The following MSRA variants were observed in gnomAD, a reference collection of about 807,000 sequenced individuals.
MSRA encodes the protein methionine sulfoxide reductase A, also known as mitochondrial peptide methionine sulfoxide reductase.
Under a neutral mutation model 31.3 loss-of-function variants are expected in MSRA, and 54 were observed. The ratio of observed to expected loss-of-function variants is 1.73; its 90% CI spans 1.39 to 2.17. The LOEUF (loss-of-function observed/expected upper bound fraction) is 2.17. Among genes scored for constraint, MSRA ranks in the 30% most tolerant of loss-of-function variants. The probability of loss-of-function intolerance (pLI) is 0.00; values close to 1 mark genes in which losing one functional copy is unlikely to be tolerated. For missense variants in MSRA, 507 were observed against 300.9 expected (o/e 1.69, Z -5.07); for synonymous variants, 169 against 116.5 (o/e 1.45, Z -2.90).
At chr8:10,417,465 G>A (rs553932637) in intron 5 of MSRA, among the ~76,000 whole-genome samples, 17 of 130,786 alleles carry the variant, frequency 1.3e-4, no homozygotes, top group Admixed American at 2.3e-4. Flanking sequence ...CTCCATGTAG[G>A]CTTAGTAAGC....
At chr8:10,255,986 C>G (rs956285885) in intron 3 of MSRA, among the ~76,000 whole-genome samples, 3 of 152,152 alleles carry the variant, frequency 2.0e-5, no homozygotes, top group African/African-American at 4.8e-5. Context: ...AGGAACCACA[C>G]TGACACGTCC....
At chr8:10,161,475 A>T (rs1804640551) in intron 1 of MSRA, among the ~76,000 whole-genome samples, 1 of 152,210 alleles carries the variant, frequency 6.6e-6, no homozygotes, top group Non-Finnish European at 1.5e-5. Context: ...GGCAGGTTTT[A>T]TGCAGCTTGA....
chr8:10,158,233 T>C lies in MSRA; in HGVS notation c.143-49600T>C, dbSNP rs75120044. Among the ~76,000 whole-genome samples the C allele has an allele frequency of 2.6e-3, 394 of 152,332 alleles. 1 individual carries two copies. Among genetic ancestry groups the C allele is most frequent in the African/African-American group, 9.0e-3 (374 of 41,574 alleles). On this transcript the variant is annotated intron_variant, in intron 1 of 5. Coordinates refer to ENST00000317173, the MANE Select transcript of MSRA (RefSeq NM_012331.5). Reference sequence around the variant, plus strand: ...TGAGGAAAGATGTCAACATCTGGACTTCAAGAGGACGTAAACATTCAGACC... The same window carrying C: ...TGAGGAAAGATGTCAACATCTGGACCTCAAGAGGACGTAAACATTCAGACC...
intron 1 of MSRA, among the ~76,000 whole-genome samples, chr8:10,103,073 A>G (rs1317063126): frequency 2.6e-5 from 4 of 152,248 alleles, no homozygotes; most frequent in Non-Finnish European, 5.9e-5. Context: ...ATAAAAGAAT[A>G]TAAGAGATGA....
chr8:10,421,847 C>A (rs1457940072), intron 5 of MSRA, among the ~76,000 whole-genome samples: 2 of 152,108 alleles, frequency 1.3e-5, no homozygotes, highest in African/African-American at 4.8e-5. Context: ...CCCCAGAGAT[C>A]TGCTGCTCAG....
intron 5 of MSRA, among the ~76,000 whole-genome samples, chr8:10,366,851 A>T (rs1371677720): frequency 6.6e-6 from 1 of 152,072 alleles, no homozygotes; most frequent in South Asian, 2.1e-4. Context: ...TGTGCTGACC[A>T]CCAGACCCAA....
intron 5 of MSRA, among the ~76,000 whole-genome samples, chr8:10,405,921 C>T (rs1212303170): frequency 1.3e-5 from 2 of 152,258 alleles, no homozygotes; most frequent in Non-Finnish European, 2.9e-5. Context: ...AGTGCACACA[C>T]ACATGCTCAC....
intron 5 of MSRA, among the ~76,000 whole-genome samples, chr8:10,389,366 C>T (rs919336327): frequency 2.6e-5 from 4 of 152,208 alleles, no homozygotes; most frequent in African/African-American, 9.7e-5. Flanking sequence ...ACTGCCGTTA[C>T]AGTGTGAGGG....
intron 1 of MSRA, among the ~76,000 whole-genome samples, chr8:10,179,560 T>A (rs779602498): frequency 6.6e-6 from 1 of 152,250 alleles, no homozygotes; most frequent in Non-Finnish European, 1.5e-5. Context: ...TTCTCCCTAA[T>A]GTCTGGCAAG....
intron 5 of MSRA, among the ~76,000 whole-genome samples, chr8:10,417,105 G>A (rs1385695118): frequency 2.6e-5 from 4 of 152,204 alleles, no homozygotes; most frequent in African/African-American, 7.2e-5. Flanking sequence ...TAGAGGCCGT[G>A]CATTTGCATA....
intron 5 of MSRA, among the ~76,000 whole-genome samples, chr8:10,397,889 A>G (rs369035722): frequency 2.4e-4 from 36 of 152,316 alleles, no homozygotes; most frequent in African/African-American, 6.5e-4. Context: ...AAGTAAGCCC[A>G]TTATAACAGC....
intron 5 of MSRA, among the ~76,000 whole-genome samples, chr8:10,373,267 A>G (rs779941434): frequency 6.6e-5 from 10 of 152,308 alleles, no homozygotes; most frequent in South Asian, 2.1e-4. Context: ...TTTTACTGAC[A>G]TTTTTCCAAA....
chr8:10,161,020 A>G (rs1188681188), intron 1 of MSRA, among the ~76,000 whole-genome samples: 1 of 152,270 alleles, frequency 6.6e-6, no homozygotes, highest in Non-Finnish European at 1.5e-5. Context: ...TCAAATGAAT[A>G]AGGCGAGAGC....
chr8:10,170,393 G>C (rs1220433945), intron 1 of MSRA, among the ~76,000 whole-genome samples: 1 of 152,132 alleles, frequency 6.6e-6, no homozygotes, highest in African/African-American at 2.4e-5. Flanking sequence ...AACACAGTGA[G>C]AAGATAGCCA....
intron 2 of MSRA, among the ~76,000 whole-genome samples, chr8:10,229,166 C>G (rs1438423066): frequency 6.6e-6 from 1 of 152,212 alleles, no homozygotes; most frequent in Non-Finnish European, 1.5e-5. Context: ...GAGACACACA[C>G]TCACCTGCCC....
At chr8:10,182,407 G>T (rs546864841) in intron 1 of MSRA, among the ~76,000 whole-genome samples, 2 of 152,252 alleles carry the variant, frequency 1.3e-5, no homozygotes, top group South Asian at 4.1e-4. Flanking sequence ...CAGGAATCCG[G>T]ACACAGCTCA....
intron 5 of MSRA, among the ~76,000 whole-genome samples, chr8:10,416,156 C>T (rs943977712): frequency 2.6e-5 from 4 of 152,130 alleles, no homozygotes; most frequent in Non-Finnish European, 4.4e-5. Context: ...GGGAATTGCC[C>T]GTACACTCTT....
intron 1 of MSRA, among the ~76,000 whole-genome samples, chr8:10,093,847 C>G (rs1269462423): frequency 6.6e-6 from 1 of 152,124 alleles, no homozygotes; most frequent in Non-Finnish European, 1.5e-5. Context: ...GTCTTAATGT[C>G]TCCTTCATTT....
intron 1 of MSRA, among the ~76,000 whole-genome samples, chr8:10,076,265 G>T (rs1797992056): frequency 6.6e-6 from 1 of 152,280 alleles, no homozygotes; most frequent in African/African-American, 2.4e-5. Flanking sequence ...GGACACTTAG[G>T]GGACAGTGTA....
Sources: gnomAD v4.1 joint callset for allele counts (sites outside exome capture counted in the v4.1 genomes callset) on GRCh38, gnomAD v4.1.1 for gene constraint, MANE v1.5 for transcripts, NCBI Gene and HGNC (gene_info 2026-07-23, HGNC 2026-07-21) for gene names.